Variants in FAM135B observed in about 807,000 individuals in gnomAD.
FAM135B encodes family with sequence similarity 135 member B.
In FAM135B, 43 loss-of-function variants were observed where a neutral mutation model predicts 127.7. That is an observed-to-expected ratio of 0.34 (90% confidence interval 0.26 to 0.43). The LOEUF is 0.43. FAM135B is among the 20% of genes least tolerant of loss of function. The pLI is 1.00. For missense variants in FAM135B, 1,558 were observed against 1,725.6 expected, an observed-to-expected ratio of 0.90 and a Z score of 1.72; for synonymous variants, 670 against 665.1, an observed-to-expected ratio of 1.01 and a Z score of -0.11.
chr8:138,226,737 T>G (rs893997231), intron 7 of FAM135B, among the ~76,000 whole-genome samples: 1 of 152,192 alleles, frequency 6.6e-6, no homozygotes, highest in Admixed American at 6.5e-5. Flanking sequence ...AATTTTTATA[T>G]TTTTATTAGA....
intron 2 of FAM135B, among the ~76,000 whole-genome samples, chr8:138,317,291 G>C (rs1827168937): frequency 6.6e-6 from 1 of 152,194 alleles, no homozygotes; most frequent in Admixed American, 6.5e-5. Flanking sequence ...TACATGGCAA[G>C]TTTAAAGTTG....
At chr8:138,378,702 A>G (rs1831645883) in intron 1 of FAM135B, among the ~76,000 whole-genome samples, 1 of 151,910 alleles carries the variant, frequency 6.6e-6, no homozygotes, top group African/African-American at 2.4e-5. Context: ...CTTTCCTTCA[A>G]TATAGAAATC....
At chr8:138,334,796 A>G (rs1168569808) in intron 2 of FAM135B, among the ~76,000 whole-genome samples, 1 of 152,090 alleles carries the variant, frequency 6.6e-6, no homozygotes, top group East Asian at 1.9e-4. Context: ...TCTACCATTG[A>G]TGGGCATTTA....
chr8:138,398,942 T>C (rs1342301709), intron 1 of FAM135B, among the ~76,000 whole-genome samples: 2 of 152,204 alleles, frequency 1.3e-5, no homozygotes, highest in Non-Finnish European at 2.9e-5. Flanking sequence ...AATATAACCC[T>C]GTAATCAGGA....
chr8:138,304,885 A>G (rs1434840350), intron 3 of FAM135B, among the ~76,000 whole-genome samples: 1 of 152,196 alleles, frequency 6.6e-6, no homozygotes, highest in Non-Finnish European at 1.5e-5. Context: ...CCTGGAAGCC[A>G]AAAAGATGGA....
chr8:138,181,361 T>C (rs973909314), intron 9 of FAM135B, among the ~76,000 whole-genome samples: 5 of 152,192 alleles, frequency 3.3e-5, no homozygotes, highest in Non-Finnish European at 7.3e-5. Context: ...GTGACTTCTA[T>C]ATAGATTCTT....
At chr8:138,156,965 A>T (rs1818817349) in intron 12 of FAM135B, among the ~76,000 whole-genome samples, 1 of 152,230 alleles carries the variant, frequency 6.6e-6, no homozygotes. Flanking sequence ...CATCATCCTG[A>T]TACCAAAGCC....
At chr8:138,405,675 C>T (rs1040587493) in intron 1 of FAM135B, among the ~76,000 whole-genome samples, 4 of 152,068 alleles carry the variant, frequency 2.6e-5, no homozygotes, top group Non-Finnish European at 2.9e-5. Flanking sequence ...AATAAACATA[C>T]GTGTGTATGT....
intron 2 of FAM135B, among the ~76,000 whole-genome samples, chr8:138,335,797 A>T (rs1435795573): frequency 3.9e-5 from 6 of 152,216 alleles, no homozygotes; most frequent in Non-Finnish European, 7.3e-5. Context: ...AATCAACAGA[A>T]TATACACTCT....
intron 7 of FAM135B, among the ~76,000 whole-genome samples, chr8:138,213,811 T>C (rs1421990825): frequency 6.6e-6 from 1 of 152,154 alleles, no homozygotes; most frequent in African/African-American, 2.4e-5. Flanking sequence ...TGGAACCCAC[T>C]TAGAGGACAG....
At chr8:138,424,980 G>T (rs538662795) in intron 1 of FAM135B, among the ~76,000 whole-genome samples, 1 of 152,134 alleles carries the variant, frequency 6.6e-6, no homozygotes, top group Admixed American at 6.5e-5. Flanking sequence ...AAGGCTCAAT[G>T]AGCCAGCCAA....
intron 7 of FAM135B, among the ~76,000 whole-genome samples, chr8:138,218,378 G>A (rs1818734960): frequency 6.6e-6 from 1 of 152,144 alleles, no homozygotes; most frequent in Admixed American, 6.5e-5. Flanking sequence ...GAAGTCACAT[G>A]GGGATAGCAA....
chr8:138,228,246 G>A (rs1396954593), intron 7 of FAM135B, among the ~76,000 whole-genome samples: 1 of 146,200 alleles, frequency 6.8e-6, no homozygotes, highest in East Asian at 1.9e-4. Context: ...GAATCATGGG[G>A]TAATATTTTT....
intron 2 of FAM135B, among the ~76,000 whole-genome samples, chr8:138,319,723 A>C (rs1827328305): frequency 6.6e-6 from 1 of 152,188 alleles, no homozygotes; most frequent in Non-Finnish European, 1.5e-5. Flanking sequence ...TAGGCATAAT[A>C]ATACCCCCCA....
chr8:138,462,658 A>G (rs1837191205), intron 1 of FAM135B, among the ~76,000 whole-genome samples: 1 of 152,182 alleles, frequency 6.6e-6, no homozygotes, highest in Admixed American at 6.5e-5. Flanking sequence ...CATTTTCTAC[A>G]TAGGAGTTTT....
intron 2 of FAM135B, among the ~76,000 whole-genome samples, chr8:138,355,005 C>A (rs1247214462): frequency 6.6e-6 from 1 of 152,072 alleles, no homozygotes; most frequent in Non-Finnish European, 1.5e-5. Flanking sequence ...TGCTATCCCT[C>A]CCCCTTCCTC....
intron 3 of FAM135B, among the ~76,000 whole-genome samples, chr8:138,307,217 A>T (rs1192025853): frequency 6.6e-6 from 1 of 152,164 alleles, no homozygotes. Context: ...GTCTCATGAG[A>T]TCTGAGTTTT....
intron 1 of FAM135B, among the ~76,000 whole-genome samples, chr8:138,480,488 G>A (rs1814729048): frequency 1.3e-5 from 2 of 152,166 alleles, no homozygotes; most frequent in Non-Finnish European, 2.9e-5. Flanking sequence ...AAGACAGACT[G>A]TGAAATAGGC....
Position 138,141,093 on chromosome 8 carries a change from G to C in FAM135B, c.3790+105C>G, listed in dbSNP as rs1817099905. 4.5e-6 allele frequency: 5 copies of C among 1,117,472 alleles called. No homozygotes were observed. The highest frequency in any genetic ancestry group is 6.5e-6 in the Non-Finnish European group (5 of 771,304). 69.2% of individuals were successfully genotyped at this position (1,117,472 alleles called of 1,614,324 possible). ...CTCCCTCCATGCCATGCTTGGAAAA[G>C]ACTGCACAGTCACAGGGTTCCAAGT... On this transcript the variant is annotated intron_variant, in intron 17 of 19. Coordinates refer to ENST00000395297, the MANE Select transcript of FAM135B (RefSeq NM_015912.4). The surrounding 1 kb of genome is among the most constrained non-coding windows in gnomAD (Gnocchi z 4.7).
Sources: gnomAD v4.1 joint callset for allele counts (sites outside exome capture counted in the v4.1 genomes callset) on GRCh38, gnomAD v4.1.1 for gene constraint, Gnocchi (gnomAD v3.1) non-coding constraint, MANE v1.5 for transcripts, NCBI Gene and HGNC (gene_info 2026-07-23, HGNC 2026-07-21) for gene names.